The following PTPRJ variants were observed in gnomAD, a reference collection of about 807,000 sequenced individuals.
PTPRJ encodes protein tyrosine phosphatase receptor type J.
PTPRJ carries 129 observed loss-of-function variants against 141.3 expected under a neutral mutation model. The observed-to-expected ratio is 0.91, with a 90% CI of 0.79 to 1.06. The LOEUF (loss-of-function observed/expected upper bound fraction) is 1.06, where lower values mean the gene tolerates loss of function less well. Ranked by LOEUF, PTPRJ falls within the 50% of genes least tolerant of loss-of-function variation. The pLI is 0.00. For synonymous variants in PTPRJ, 610 were observed against 640.5 expected (o/e 0.95, Z 0.72); for missense variants, 1,601 against 1,679.7 (o/e 0.95, Z 0.82).
Position 48,127,798 on chromosome 11 carries a change from A to T in PTPRJ, c.1112A>T (p.Asp371Val), listed in dbSNP as rs1333768462. Reference protein sequence around the residue: ...EFRTNAIQVFDVTAVNISATS... With the variant: ...EFRTNAIQVFVVTAVNISATS... ...CTCACAGATGCTATTCAGGTTTTTGACGTCACCGCTGTGAACATCAGTGCC... is the reference window on the plus strand; with the variant it reads ...CTCACAGATGCTATTCAGGTTTTTGTCGTCACCGCTGTGAACATCAGTGCC... Residue 371 changes from aspartate to valine, a missense_variant, in exon 7 of 25, where the codon GAC becomes GTC. Transcript: ENST00000418331. 1 of 1,614,020 alleles carries T rather than the reference A, an allele frequency of 6.2e-7. No individual in the cohort carries two copies. Among genetic ancestry groups the T allele is most frequent in the Non-Finnish European group, 8.5e-7 (1 of 1,179,972 alleles).
At chr11:48,012,981 T>G (rs1854848086) in intron 1 of PTPRJ, among the ~76,000 whole-genome samples, 1 of 151,588 alleles carries the variant, frequency 6.6e-6, no homozygotes, top group African/African-American at 2.4e-5. Context: ...GGTGTGTGCC[T>G]GTAATCGTAG....
rs35405916 is a variant in PTPRJ, at chr11:48,069,445, A to ATTTTTTT, written c.97-40598_97-40592dup. On this transcript the variant is annotated intron_variant, in intron 1 of 24. Coordinates refer to ENST00000418331, the MANE Select transcript of PTPRJ (RefSeq NM_002843.4). ...GGCTGTGATAAAAACTACATTGATAATTTTTTTTTTTTTTTTTTTTTGGAG... is the reference window on the plus strand; with the variant it reads ...GGCTGTGATAAAAACTACATTGATAATTTTTTTTTTTTTTTTTTTTTTTTTTTTGGAG... 9.1e-5 allele frequency among the ~76,000 whole-genome samples: 11 copies of ATTTTTTT among 121,322 alleles called. 4 individuals are homozygous for ATTTTTTT. Among genetic ancestry groups the ATTTTTTT allele is most frequent in the Non-Finnish European group, 1.2e-4 (7 of 59,588 alleles). 79.6% of individuals were successfully genotyped at this position (121,322 alleles called of 152,430 possible). A position where few individuals can be genotyped will look rare whatever the true frequency, so the allele number is the denominator to read the frequency against.
intron 1 of PTPRJ, among the ~76,000 whole-genome samples, chr11:48,061,640 C>G (rs577485242): frequency 1.4e-3 from 206 of 152,306 alleles, no homozygotes; most frequent in African/African-American, 4.7e-3. Flanking sequence ...AGCATTTGCT[C>G]TCACCACCTC....
At chr11:48,148,494 A>G (rs1365335056) in intron 15 of PTPRJ, among the ~76,000 whole-genome samples, 1 of 151,822 alleles carries the variant, frequency 6.6e-6, no homozygotes, top group Non-Finnish European at 1.5e-5. Flanking sequence ...CTGGAGTGCA[A>G]TGGCGTGGTC....
chr11:48,078,246 C>A (rs1855461099), intron 1 of PTPRJ, among the ~76,000 whole-genome samples: 1 of 152,082 alleles, frequency 6.6e-6, no homozygotes, highest in East Asian at 1.9e-4. Flanking sequence ...TTAGTAGAGA[C>A]AGGTTTTCAC....
intron 1 of PTPRJ, among the ~76,000 whole-genome samples, chr11:47,988,404 T>A (rs1854106251): frequency 6.6e-6 from 1 of 151,886 alleles, no homozygotes; most frequent in Non-Finnish European, 1.5e-5. Context: ...AGTGGCATGA[T>A]CTTGGATCTC....
Position 48,125,011 on chromosome 11 carries a change from C to T in PTPRJ, c.918C>T (p.Ala306=), listed in dbSNP as rs1473382887. ...GAAGCCGGGCAGGGAGCCCCACCGC[C>T]CCTGTGCATGATGAGTCCCTCGTGG... ...TERSRAGSPT[A]PVHDESLVGP... The change falls in exon 6 of 25, where the codon GCC becomes GCT. Residue 306 remains alanine, a synonymous_variant. Coordinates refer to ENST00000418331, the MANE Select transcript of PTPRJ (RefSeq NM_002843.4). The T allele has an allele frequency of 1.9e-6, 3 of 1,614,132 alleles. No individual in the cohort carries two copies. The highest frequency in any genetic ancestry group is 2.5e-6 in the Non-Finnish European group (3 of 1,180,028).
At chr11:48,160,127 A>G in intron 22 of PTPRJ, 78 bp downstream of exon 22, 8 of 1,538,474 alleles carry the variant, frequency 5.2e-6, no homozygotes, top group Admixed American at 1.7e-5. Flanking sequence ...TTAGGTTGAT[A>G]TTAACTAATA....
chr11:48,147,210 T>C (rs1449020309), intron 15 of PTPRJ, among the ~76,000 whole-genome samples: 1 of 152,190 alleles, frequency 6.6e-6, no homozygotes, highest in Non-Finnish European at 1.5e-5. Flanking sequence ...TTTCAAATGA[T>C]ATGTTCTTGT....
chr11:48,029,516 T>C (rs975984809), intron 1 of PTPRJ, among the ~76,000 whole-genome samples: 1 of 152,220 alleles, frequency 6.6e-6, no homozygotes, highest in African/African-American at 2.4e-5. Flanking sequence ...CAAACCCGCA[T>C]CTCTTATATG....
intron 5 of PTPRJ, 80 bp downstream of exon 5, chr11:48,123,950 C>T (rs532263382): frequency 1.4e-6 from 2 of 1,445,302 alleles, no homozygotes; most frequent in Non-Finnish European, 1.9e-6. Context: ...ATAAATTGCT[C>T]TTCCATGTGT....
chr11:48,142,124 C>T (rs1477204697), intron 11 of PTPRJ, among the ~76,000 whole-genome samples: 2 of 152,162 alleles, frequency 1.3e-5, no homozygotes, highest in African/African-American at 4.8e-5. Flanking sequence ...ATTGTGTCTT[C>T]TTGACATCCT....
At chr11:47,995,499 A>C (rs1854311237) in intron 1 of PTPRJ, among the ~76,000 whole-genome samples, 1 of 152,150 alleles carries the variant, frequency 6.6e-6, no homozygotes, top group South Asian at 2.1e-4. Context: ...TGACTTGTTG[A>C]CCTTTGATCC....
At chr11:48,033,786 A>G (rs1259491132) in intron 1 of PTPRJ, among the ~76,000 whole-genome samples, 1 of 152,238 alleles carries the variant, frequency 6.6e-6, no homozygotes, top group South Asian at 2.1e-4. Flanking sequence ...GTGAAGGAGG[A>G]CCAAGAGGAG....
intron 1 of PTPRJ, among the ~76,000 whole-genome samples, chr11:48,018,392 G>T (rs1855005948): frequency 6.6e-6 from 1 of 152,174 alleles, no homozygotes; most frequent in African/African-American, 2.4e-5. Flanking sequence ...GGGGCTGGGG[G>T]CAGTGGATGG....
intron 1 of PTPRJ, among the ~76,000 whole-genome samples, chr11:47,988,284 T>C (rs1854102863): frequency 1.3e-5 from 2 of 152,200 alleles, no homozygotes; most frequent in South Asian, 4.1e-4. Flanking sequence ...CAAAAGGGAA[T>C]GCACATATTT....
rs1352891769 is a variant in PTPRJ, at chr11:48,137,074, G to C, written c.1945G>C (p.Asp649His). Reference protein sequence around the residue: ...TAATLSWQNFDDASPTYSYCL... With the variant: ...TAATLSWQNFHDASPTYSYCL... ...AGCAACTTTAAGTTGGCAGAACTTT[G>C]ATGACGCCTCTCCCACGTACTCCTA... The change falls in exon 10 of 25, where the codon GAT (aspartate) becomes CAT (histidine). Residue 649 changes from aspartate (D) to histidine (H), a missense_variant. By Grantham distance (81) the Asp-to-His change is moderately conservative. Coordinates refer to ENST00000418331, the MANE Select transcript of PTPRJ (RefSeq NM_002843.4). The C allele has an allele frequency of 1.2e-6, 2 of 1,604,012 alleles. No homozygotes were observed. The highest frequency in any genetic ancestry group is 1.7e-6 in the Non-Finnish European group (2 of 1,170,782).
chr11:47,980,604 G>C lies in PTPRJ; in HGVS notation c.-309G>C, dbSNP rs1853869097. The C allele has an allele frequency of 1.0e-6, 1 of 983,396 alleles. No homozygotes were observed. Among genetic ancestry groups the C allele is most frequent in the Non-Finnish European group, 1.2e-6 (1 of 829,436 alleles). The allele number at this position is 983,396 out of a possible 1,614,324, so 60.9% of individuals were successfully genotyped here. On this transcript the variant is annotated 5_prime_UTR_variant, in exon 1 of 25. Transcript: ENST00000418331. Reference sequence around the variant, plus strand: ...CGGAGGAGGCAGCGGGAGCAGCCGCGGGAGCCGGGACCGGGTAGCCGCGCG... The same window carrying C: ...CGGAGGAGGCAGCGGGAGCAGCCGCCGGAGCCGGGACCGGGTAGCCGCGCG...
intron 1 of PTPRJ, among the ~76,000 whole-genome samples, chr11:47,982,875 C>A (rs949922772): frequency 6.6e-6 from 1 of 151,860 alleles, no homozygotes; most frequent in Non-Finnish European, 1.5e-5. Context: ...TTCTGTAGAA[C>A]CTCAAAAGGA....
Sources: allele counts gnomAD v4.1 joint callset (sites outside exome capture counted in the v4.1 genomes callset), GRCh38; gene constraint gnomAD v4.1.1; transcripts MANE v1.5; gene names NCBI Gene and HGNC (gene_info 2026-07-23, HGNC 2026-07-21).